The following RANBP2 variants were observed in gnomAD, a reference collection of about 807,000 sequenced individuals.
RANBP2 encodes the protein E3 SUMO-protein ligase RanBP2.
In RANBP2, 57 loss-of-function variants were observed where a neutral mutation model predicts 303.6. The ratio of observed to expected loss-of-function variants is 0.19; its 90% CI spans 0.15 to 0.23. The LOEUF (loss-of-function observed/expected upper bound fraction) is 0.23, where lower values mean the gene tolerates loss of function less well. Among genes scored for constraint, RANBP2 ranks in the 10% least tolerant of loss-of-function variants. RANBP2 has a pLI of 1.00. For synonymous variants in RANBP2, 1,167 were observed against 1,301.5 expected, an observed-to-expected ratio of 0.90 and a Z score of 2.23; for missense variants, 3,138 against 3,780.8, an observed-to-expected ratio of 0.83 and a Z score of 4.46.
At chr2:108,792,931 G>GCA in the RANBP2 span, among the ~76,000 whole-genome samples, 1 of 151,278 alleles carries the variant, frequency 6.6e-6, no homozygotes, top group Non-Finnish European at 1.5e-5. Context: ...AGGCATGGTA[G>GCA]CACGTGCCTG....
chr2:109,210,279 T>C, the RANBP2 span, among the ~76,000 whole-genome samples: 1 of 152,362 alleles, frequency 6.6e-6, no homozygotes, highest in East Asian at 1.9e-4. Flanking sequence ...TGTACAAACA[T>C]CTGTTTGAGT....
chr2:109,454,966 A>G, the RANBP2 span, among the ~76,000 whole-genome samples: 4 of 152,108 alleles, frequency 2.6e-5, no homozygotes, highest in Non-Finnish European at 5.9e-5. Context: ...TGGTAGTTTT[A>G]GTTTCAGTGA....
At chr2:109,622,306 A>G in the RANBP2 span, among the ~76,000 whole-genome samples, 1 of 152,204 alleles carries the variant, frequency 6.6e-6, no homozygotes, top group Non-Finnish European at 1.5e-5. Context: ...GGGAAGCCCT[A>G]GTGGTACAGG....
chr2:109,019,021 AC>A, the RANBP2 span, among the ~76,000 whole-genome samples: 2 of 152,210 alleles, frequency 1.3e-5, no homozygotes, highest in African/African-American at 4.8e-5. Context: ...GATTGTAGTC[AC>A]AGAGGCGCCT....
chr2:109,367,803 A>G, the RANBP2 span, among the ~76,000 whole-genome samples: 2 of 152,196 alleles, frequency 1.3e-5, no homozygotes, highest in Non-Finnish European at 2.9e-5. Flanking sequence ...TTTTTCTTAG[A>G]ATAGAGTTCC....
In RANBP2 at chr2:108,781,287, C is replaced by T; in HGVS notation, c.8618C>T (p.Ala2873Val). Reference protein sequence around the residue: ...FGSKDKNFQWANTGAAVFGTQ... With the variant: ...FGSKDKNFQWVNTGAAVFGTQ... ...TCATCAGATAAAAATTTCCAATGGG[C>T]AAATACTGGAGCAGCTGTGTTTGGA... is the stretch of plus-strand genomic sequence containing the variant. Residue 2873 changes from alanine (A) to valine (V), a missense_variant, in exon 26 of 29, where the codon GCA (alanine) becomes GTA (valine). Physicochemically the swap from Ala to Val is moderately conservative, Grantham distance 64 (BLOSUM62 0). This residue lies in a region of RANBP2 where 497 missense variants were observed against 465.8 expected (regional missense o/e 1.07). Transcript: ENST00000283195. 1.2e-6 allele frequency: 2 copies of T among 1,614,020 alleles called. No individual in the cohort carries two copies. Among genetic ancestry groups the T allele is most frequent in the Non-Finnish European group, 1.7e-6 (2 of 1,179,996 alleles).
the RANBP2 span, chr2:108,791,518 T>C: frequency 1.2e-6 from 1 of 817,130 alleles, no homozygotes; most frequent in Admixed American, 2.0e-5. Context: ...ACTGTTAGTT[T>C]TTACGTTTTT....
chr2:109,544,876 T>C, the RANBP2 span: 1 of 875,768 alleles, frequency 1.1e-6, no homozygotes, highest in Non-Finnish European at 1.4e-6. Context: ...ATCCATGCCC[T>C]TGGAGAGCTT....
chr2:108,747,472 G>A (rs826560), intron 8 of RANBP2, among the ~76,000 whole-genome samples: 1,557 of 152,296 alleles, frequency 0.01, 14 homozygotes, highest in Non-Finnish European at 0.015. Flanking sequence ...TATAAGCTTT[G>A]GTGTATAGTT....
the RANBP2 span, among the ~76,000 whole-genome samples, chr2:109,516,663 G>A: frequency 0.011 from 1,606 of 152,254 alleles, 10 homozygotes; most frequent in Non-Finnish European, 0.016. Context: ...CTGGCCTCTC[G>A]CAGGAGCCCC....
the RANBP2 span, among the ~76,000 whole-genome samples, chr2:109,132,212 A>G: frequency 6.6e-6 from 1 of 152,220 alleles, no homozygotes; most frequent in Non-Finnish European, 1.5e-5. Flanking sequence ...TTTTCCAATT[A>G]GAAGCTCCTT....
chr2:109,413,450 CTG>C, the RANBP2 span, among the ~76,000 whole-genome samples: 2 of 152,222 alleles, frequency 1.3e-5, no homozygotes, highest in African/African-American at 4.8e-5. Context: ...TAACAGGAAA[CTG>C]CCGGGGCTAC....
chr2:109,399,573 C>G, the RANBP2 span, among the ~76,000 whole-genome samples: 2 of 151,954 alleles, frequency 1.3e-5, no homozygotes. Context: ...GCCAAGAGTT[C>G]AAGATCAGCT....
At chr2:109,449,897 C>T in the RANBP2 span, among the ~76,000 whole-genome samples, 2 of 152,192 alleles carry the variant, frequency 1.3e-5, no homozygotes, top group Admixed American at 1.3e-4. Context: ...GCACCCACTC[C>T]CTTCAATATG....
the RANBP2 span, among the ~76,000 whole-genome samples, chr2:109,266,745 A>G: frequency 6.6e-6 from 1 of 152,286 alleles, no homozygotes; most frequent in African/African-American, 2.4e-5. Flanking sequence ...CGCTTGCTTC[A>G]TTAACAGCCT....
the RANBP2 span, among the ~76,000 whole-genome samples, chr2:109,025,911 C>T: frequency 1.3e-5 from 2 of 152,100 alleles, no homozygotes; most frequent in Non-Finnish European, 1.5e-5. Context: ...AGATGGGGGA[C>T]GACGTGTCCC....
the RANBP2 span, among the ~76,000 whole-genome samples, chr2:108,843,721 T>C: frequency 2.0e-5 from 3 of 152,082 alleles, no homozygotes; most frequent in Non-Finnish European, 4.4e-5. Context: ...TTGACTATGA[T>C]GGGTCTTGGT....
the RANBP2 span, among the ~76,000 whole-genome samples, chr2:109,212,715 A>G: frequency 6.6e-6 from 1 of 152,226 alleles, no homozygotes; most frequent in Non-Finnish European, 1.5e-5. Context: ...TTGTTGTATA[A>G]TAAAGACCCA....
the RANBP2 span, among the ~76,000 whole-genome samples, chr2:109,589,132 GTTTGT>G: frequency 2.0e-5 from 3 of 151,962 alleles, no homozygotes; most frequent in East Asian, 1.9e-4. Context: ...GTTGTTGTTG[GTTTGT>G]TTTGTTTTTT....
Sources: gnomAD v4.1 joint callset for allele counts (sites outside exome capture counted in the v4.1 genomes callset) on GRCh38, gnomAD v4.1.1 for gene constraint, gnomAD v4.1.1 regional missense constraint, MANE v1.5 for transcripts, NCBI Gene and HGNC (gene_info 2026-07-23, HGNC 2026-07-21) for gene names.